The following RIPOR1 variants were observed in gnomAD, a reference collection of about 807,000 sequenced individuals.
RIPOR1 encodes the protein rho family-interacting cell polarization regulator 1.
In RIPOR1, 58 loss-of-function variants were observed where a neutral mutation model predicts 116.5. That is an observed-to-expected ratio of 0.50 (90% CI 0.40 to 0.62). The LOEUF (loss-of-function observed/expected upper bound fraction) is 0.62, where lower values mean the gene tolerates loss of function less well. RIPOR1 is among the 20% of genes least tolerant of loss of function. The pLI is 0.00. For missense variants in RIPOR1, 1,372 were observed against 1,586.2 expected (o/e 0.86, Z 2.29); for synonymous variants, 605 against 650.0 (o/e 0.93, Z 1.05).
chr16:67,522,025 T>TTTGTTG (rs34745420), intron 1 of RIPOR1, among the ~76,000 whole-genome samples: 3 of 151,558 alleles, frequency 2.0e-5, no homozygotes, highest in Admixed American at 6.6e-5. Context: ...CACCATGTTT[T>TTTGTTG]TTGTTGTTGT....
At chr16:67,536,240 G>T (rs2050791412) in intron 1 of RIPOR1, among the ~76,000 whole-genome samples, 1 of 152,180 alleles carries the variant, frequency 6.6e-6, no homozygotes, top group Non-Finnish European at 1.5e-5. Context: ...TTGAGGTCAG[G>T]GGTTCAAGAC....
Position 67,529,751 on chromosome 16 carries a change from C to G in RIPOR1, c.-24+837C>G. ...CAGCCTCGTGTAACAATACTTGTGC[C>G]CTGGCTGCAGTCTGCGGGGCCGCGC... On this transcript the variant is annotated intron_variant, in intron 1 of 21. Coordinates refer to ENST00000042381, the MANE Select transcript of RIPOR1 (RefSeq NM_024519.4). The surrounding 1 kb of genome is among the most constrained non-coding windows in gnomAD (Gnocchi z 4.1). 1 of 1,534,178 alleles carries G rather than the reference C, an allele frequency of 6.5e-7. No homozygotes were observed. The highest frequency in any genetic ancestry group is 8.7e-7 in the Non-Finnish European group (1 of 1,146,470).
chr16:67,544,891 G>A lies in RIPOR1; in HGVS notation c.2869+61G>A. On this transcript the variant is annotated intron_variant, in intron 16 of 21. Coordinates refer to ENST00000042381, the MANE Select transcript of RIPOR1 (RefSeq NM_024519.4). This position sits in a 1 kb window ranked among gnomAD's most constrained non-coding sequence, Gnocchi z 5.1. Reference sequence around the variant, plus strand: ...CTTGAAGCTCCTACCTCAGCCTACTGCCATCTGCATGCTCTCTACTCACCT... The same window carrying A: ...CTTGAAGCTCCTACCTCAGCCTACTACCATCTGCATGCTCTCTACTCACCT... The A allele has an allele frequency of 6.2e-7, 1 of 1,600,040 alleles. No individual in the cohort carries two copies. The highest frequency in any genetic ancestry group is 1.3e-5 in the African/African-American group (1 of 74,840).
chr16:67,526,675 C>T (rs940603084), upstream of RIPOR1, among the ~76,000 whole-genome samples: 1 of 152,236 alleles, frequency 6.6e-6, no homozygotes, highest in African/African-American at 2.4e-5. Context: ...AGAGACAACA[C>T]AGTCAGGCAG....
At chr16:67,520,954 G>C (rs2142388158) in intron 1 of RIPOR1, among the ~76,000 whole-genome samples, 1 of 152,272 alleles carries the variant, frequency 6.6e-6, no homozygotes, top group East Asian at 1.9e-4. Flanking sequence ...AGGACCAGCT[G>C]TGCCCAACAC....
chr16:67,530,122 G>A lies in RIPOR1; in HGVS notation c.-24+1208G>A. The A allele has an allele frequency of 1.8e-6, 1 of 559,802 alleles. No homozygotes were observed. The highest frequency in any genetic ancestry group is 3.2e-6 in the Non-Finnish European group (1 of 310,782). 34.7% of individuals were successfully genotyped at this position (559,802 alleles called of 1,614,324 possible). A position where few individuals can be genotyped will look rare whatever the true frequency, so the allele number is the denominator to read the frequency against. ...CCCAGGGGTCTGGGTTTGGGTGCGG[G>A]TGAGGGGAGGACTCAGGACTCTGGG... On this transcript the variant is annotated intron_variant, in intron 1 of 21. Transcript: ENST00000042381. The surrounding 1 kb of genome is among the most constrained non-coding windows in gnomAD (Gnocchi z 4.5).
intron 2 of RIPOR1, 58 bp downstream of exon 2, chr16:67,538,608 G>A: frequency 7.5e-6 from 12 of 1,607,378 alleles, no homozygotes; most frequent in Non-Finnish European, 1.0e-5. Context: ...CTGGGTCTGG[G>A]GGTGCGTAGT....
rs530017708 is a variant in RIPOR1, at chr16:67,546,483, C to T, written c.*20C>T. ...TTCTAAACTATTCACCCATGGGTTC[C>T]TGGTGCCCCTTTCCCCCCACTTTCA... is the stretch of plus-strand genomic sequence containing the variant. On this transcript the variant is annotated 3_prime_UTR_variant, in exon 22 of 22. Transcript: ENST00000042381. The T allele has an allele frequency of 2.6e-5, 42 of 1,599,952 alleles. 1 individual carries two copies. The South Asian group carries it at 4.5e-4, about 17-fold the overall frequency.
chr16:67,545,591 A>C lies in RIPOR1; in HGVS notation c.3190+57A>C. On this transcript the variant is annotated intron_variant, in intron 18 of 21. Transcript: ENST00000042381. The surrounding 1 kb of genome is among the most constrained non-coding windows in gnomAD (Gnocchi z 4.8). ...TCTTGGGGTCTGAGGACATGAGGAC[A>C]AGCCCTCCCCAACCTCGGGGGCTCC... The C allele has an allele frequency of 8.8e-6, 14 of 1,596,734 alleles. No homozygotes were observed. Among genetic ancestry groups the C allele is most frequent in the Non-Finnish European group, 1.2e-5 (14 of 1,168,680 alleles).
In RIPOR1 at chr16:67,538,409, C is replaced by A; in HGVS notation, c.-23-15C>A. 6.4e-7 allele frequency: 1 copy of A among 1,558,822 alleles called. No homozygotes were observed. Among genetic ancestry groups the A allele is most frequent in the Non-Finnish European group, 8.7e-7 (1 of 1,151,198 alleles). ...GGATCCGACTGGTACTGGACACCCC[C>A]CCGATCACCCGCAGGGAGCCCCGCG... is the stretch of plus-strand genomic sequence containing the variant. On this transcript the variant is annotated splice_polypyrimidine_tract_variant and intron_variant, in intron 1 of 21. Transcript: ENST00000042381.
Position 67,540,428 on chromosome 16 carries a change from A to T in RIPOR1, c.632-30A>T. 1 of 1,614,156 alleles carries T rather than the reference A, an allele frequency of 6.2e-7. No individual in the cohort carries two copies. Among genetic ancestry groups the T allele is most frequent in the Non-Finnish European group, 8.5e-7 (1 of 1,180,006 alleles). On this transcript the variant is annotated intron_variant, in intron 8 of 21. Transcript: ENST00000042381. This position sits in a 1 kb window ranked among gnomAD's most constrained non-coding sequence, Gnocchi z 4.7. Reference sequence around the variant, plus strand: ...ATGCTGAAGAACCCCAATATGGCTCACCGACTTCTCCCCTTCTCCTCCAAC... The same window carrying T: ...ATGCTGAAGAACCCCAATATGGCTCTCCGACTTCTCCCCTTCTCCTCCAAC...
In RIPOR1 at chr16:67,541,550, A is replaced by C; in HGVS notation, c.922A>C (p.Ile308Leu). ...TGTGGATATCAATGACCTTGGTACC[A>C]TCAAGCTCAGCCTGGAAGTCACATG... ...VAVDINDLGT[I>L]KLSLEVTWSP... The change falls in exon 11 of 22, where the codon ATC becomes CTC. Residue 308 changes from isoleucine to leucine, a missense_variant. Ile to Leu is a conservative substitution (Grantham distance 5, BLOSUM62 2). Transcript: ENST00000042381. The surrounding 1 kb of genome is among the most constrained non-coding windows in gnomAD (Gnocchi z 4.6). 1.2e-6 allele frequency: 2 copies of C among 1,614,076 alleles called. No individual in the cohort carries two copies. Among genetic ancestry groups the C allele is most frequent in the Non-Finnish European group, 8.5e-7 (1 of 1,179,986 alleles).
In RIPOR1 at chr16:67,544,511, A is replaced by C; in HGVS notation, c.2733+80A>C. 6.4e-7 allele frequency: 1 copy of C among 1,550,932 alleles called. No homozygotes were observed. Among genetic ancestry groups the C allele is most frequent in the Non-Finnish European group, 8.7e-7 (1 of 1,146,130 alleles). ...TCCTGCCCTTCCATCCTGGTCCTCT[A>C]TACCTCCTCTGAGTGCCACACCCCA... On this transcript the variant is annotated intron_variant, in intron 15 of 21. Transcript: ENST00000042381. This position sits in a 1 kb window ranked among gnomAD's most constrained non-coding sequence, Gnocchi z 5.1.
Position 67,537,762 on chromosome 16 carries a change from C to A in RIPOR1, c.-23-662C>A, listed in dbSNP as rs546392574. On this transcript the variant is annotated intron_variant, in intron 1 of 21. Transcript: ENST00000042381. This position sits in a 1 kb window ranked among gnomAD's most constrained non-coding sequence, Gnocchi z 4.6. ...AGGCGCACGTCCGTGACTCAGTTTCCAGGTGGGAGCCTCAGGAAAGAGGAG... is the reference window on the plus strand; with the variant it reads ...AGGCGCACGTCCGTGACTCAGTTTCAAGGTGGGAGCCTCAGGAAAGAGGAG... Among the ~76,000 whole-genome samples the A allele has an allele frequency of 2.8e-3, 427 of 152,138 alleles. 4 individuals are homozygous for A. The highest frequency in any genetic ancestry group is 3.7e-3 in the Non-Finnish European group (251 of 67,954).
rs1360965375 is a variant in RIPOR1 at position 67,537,085 on chromosome 16, T to C, written c.-23-1339T>C. Among the ~76,000 whole-genome samples the C allele has an allele frequency of 6.6e-6, 1 of 152,120 alleles. No individual in the cohort carries two copies. Among genetic ancestry groups the C allele is most frequent in the Non-Finnish European group, 1.5e-5 (1 of 68,014 alleles). Reference sequence around the variant, plus strand: ...GCGCGTCACCATGTCCGGCTAATTTTTGTATTTTTAGTAGAGACGGGGTTT... The same window carrying C: ...GCGCGTCACCATGTCCGGCTAATTTCTGTATTTTTAGTAGAGACGGGGTTT... On this transcript the variant is annotated intron_variant, in intron 1 of 21. Transcript: ENST00000042381. The surrounding 1 kb of genome is among the most constrained non-coding windows in gnomAD (Gnocchi z 4.6).
chr16:67,535,353 G>A (rs2050765906), intron 1 of RIPOR1, among the ~76,000 whole-genome samples: 2 of 152,336 alleles, frequency 1.3e-5, no homozygotes, highest in South Asian at 4.1e-4. Context: ...CCTGTGTGCA[G>A]GTGTAGAGAA....
At position 67,530,780 on chromosome 16, in the gene RIPOR1, CT is replaced by C. The variant is rs1385484665; in HGVS notation, c.-24+1868del. ...CTGCAAGCCCCATAACCTTTGGAAC[CT>C]TGGATCTGGGTTATTTCCCATCCTG... On this transcript the variant is annotated intron_variant, in intron 1 of 21. Coordinates refer to ENST00000042381, the MANE Select transcript of RIPOR1 (RefSeq NM_024519.4). This position sits in a 1 kb window ranked among gnomAD's most constrained non-coding sequence, Gnocchi z 4.5. 6.6e-6 allele frequency among the ~76,000 whole-genome samples: 1 copy of C among 152,324 alleles called. No individual in the cohort carries two copies. Among genetic ancestry groups the C allele is most frequent in the East Asian group, 1.9e-4 (1 of 5,182 alleles).
At position 67,539,088 on chromosome 16, in the gene RIPOR1, G is replaced by A. The variant is rs1597640216; in HGVS notation, c.336+20G>A. 1.9e-6 allele frequency: 3 copies of A among 1,606,974 alleles called. No individual in the cohort carries two copies. Among genetic ancestry groups the A allele is most frequent in the East Asian group, 4.5e-5 (2 of 44,812 alleles). On this transcript the variant is annotated intron_variant, in intron 4 of 21. Coordinates refer to ENST00000042381, the MANE Select transcript of RIPOR1 (RefSeq NM_024519.4). ...CGCTTGGTGAGTGGCGGGAGGTACG[G>A]ATGCCCTTTGCCTCTTTGGTGTGGA...
chr16:67,541,422 G>T lies in RIPOR1; in HGVS notation c.802-8G>T. ...CCTTGTGACCCTACCATGCACTCTT[G>T]GCTACAGGTGACAGAACTGAAGGGC... On this transcript the variant is annotated splice_region_variant and splice_polypyrimidine_tract_variant and intron_variant, in intron 10 of 21. Coordinates refer to ENST00000042381, the MANE Select transcript of RIPOR1 (RefSeq NM_024519.4). The surrounding 1 kb of genome is among the most constrained non-coding windows in gnomAD (Gnocchi z 4.6). The T allele has an allele frequency of 6.2e-7, 1 of 1,612,834 alleles. No homozygotes were observed.
Sources: allele counts gnomAD v4.1 joint callset (sites outside exome capture counted in the v4.1 genomes callset), GRCh38; gene constraint gnomAD v4.1.1; non-coding constraint Gnocchi (gnomAD v3.1); transcripts MANE v1.5; gene names NCBI Gene and HGNC (gene_info 2026-07-23, HGNC 2026-07-21).